Variants in UNC13C observed in about 807,000 individuals in gnomAD.
The protein encoded by UNC13C is protein unc-13 homolog C.
UNC13C carries 174 observed loss-of-function variants against 245.4 expected under a neutral mutation model. The ratio of observed to expected loss-of-function variants is 0.71; its 90% CI spans 0.63 to 0.80. The LOEUF is 0.80. UNC13C is among the 30% of genes least tolerant of loss of function. UNC13C has a pLI of 0.00. For synonymous variants in UNC13C, 992 were observed against 895.1 expected, an observed-to-expected ratio of 1.11 and a Z score of -1.93; for missense variants, 2,829 against 2,602.9, an observed-to-expected ratio of 1.09 and a Z score of -1.89.
intron 2 of UNC13C, 120 bp from the exon 3 acceptor site, chr15:54,142,896 CTG>C (rs1453558789): frequency 1.2e-6 from 1 of 867,994 alleles, no homozygotes; most frequent in Non-Finnish European, 1.8e-6. Flanking sequence ...CCTTGAAACT[CTG>C]TTTATTTATA....
At chr15:54,333,708 T>C (rs546084709) in intron 15 of UNC13C, 59 bp from the exon 16 acceptor site, 1 of 1,126,762 alleles carries the variant, frequency 8.9e-7, no homozygotes, top group Non-Finnish European at 1.3e-6. Context: ...TTTTAGTTTA[T>C]TTTCCCACTA....
chr15:54,427,218 G>A (rs930519366), intron 19 of UNC13C, among the ~76,000 whole-genome samples: 32 of 151,786 alleles, frequency 2.1e-4, no homozygotes, highest in Admixed American at 5.9e-4. Flanking sequence ...CCCATGTGTT[G>A]TGGGAAGGAC....
chr15:53,999,188 T>G (rs1430620051), intron 1 of UNC13C, among the ~76,000 whole-genome samples: 1 of 151,974 alleles, frequency 6.6e-6, no homozygotes, highest in Non-Finnish European at 1.5e-5. Context: ...TCCTTAAAGG[T>G]TTCTAGAATC....
intron 5 of UNC13C, among the ~76,000 whole-genome samples, chr15:54,236,018 T>TAAAAA (rs11465193): frequency 6.8e-6 from 1 of 146,746 alleles, no homozygotes; most frequent in African/African-American, 2.5e-5. Context: ...CATTAGATTG[T>TAAAAA]AAAAAAAAAA....
At chr15:54,054,469 G>T (rs1897411953) in intron 2 of UNC13C, among the ~76,000 whole-genome samples, 2 of 152,268 alleles carry the variant, frequency 1.3e-5, no homozygotes, top group Admixed American at 1.3e-4. Flanking sequence ...TTTGTGAATA[G>T]AATTAAATGT....
intron 8 of UNC13C, among the ~76,000 whole-genome samples, chr15:54,260,044 C>T (rs531821237): frequency 7.9e-5 from 12 of 151,820 alleles, no homozygotes; most frequent in South Asian, 4.2e-4. Flanking sequence ...ATTTTATCTT[C>T]GGCTCCCCCA....
chr15:53,917,031 C>T, the UNC13C span, among the ~76,000 whole-genome samples: 2 of 152,208 alleles, frequency 1.3e-5, no homozygotes, highest in Non-Finnish European at 2.9e-5. Context: ...TTAAGCACAG[C>T]ATCAGTAATG....
At chr15:54,579,551 G>A in intron 30 of UNC13C, among the ~76,000 whole-genome samples, 1 of 151,990 alleles carries the variant, frequency 6.6e-6, no homozygotes, top group East Asian at 1.9e-4. Flanking sequence ...GAGGTCAGGA[G>A]ATCGAGACCT....
At chr15:54,302,183 G>A (rs923776832) in intron 13 of UNC13C, among the ~76,000 whole-genome samples, 5 of 152,128 alleles carry the variant, frequency 3.3e-5, no homozygotes, top group Middle Eastern at 3.4e-3. Flanking sequence ...GTAGATTCTC[G>A]ATATTAGCCC....
At position 54,420,640 on chromosome 15, in the gene UNC13C, G is replaced by T. The variant is rs1016969526; in HGVS notation, c.4933+5573G>T. Among the ~76,000 whole-genome samples, 19 of 151,932 alleles carry T rather than the reference G, an allele frequency of 1.3e-4. 1 individual carries two copies. Among genetic ancestry groups the T allele is most frequent in the Admixed American group, 8.5e-4 (13 of 15,254 alleles). Reference sequence around the variant, plus strand: ...TATTCTTATTTTAGGTCAGGTTTTTGTTTGTGATGATTTTAAACAAAAATA... The same window carrying T: ...TATTCTTATTTTAGGTCAGGTTTTTTTTTGTGATGATTTTAAACAAAAATA... On this transcript the variant is annotated intron_variant, in intron 19 of 32. Coordinates refer to ENST00000260323, the MANE Select transcript of UNC13C (RefSeq NM_001080534.3).
At chr15:54,371,877 G>T (rs2140884108) in intron 17 of UNC13C, among the ~76,000 whole-genome samples, 1 of 152,194 alleles carries the variant, frequency 6.6e-6, no homozygotes, top group East Asian at 1.9e-4. Flanking sequence ...TCACATATTT[G>T]TGGAATGAAA....
At chr15:53,861,141 T>C in the UNC13C span, among the ~76,000 whole-genome samples, 1 of 152,160 alleles carries the variant, frequency 6.6e-6, no homozygotes, top group Non-Finnish European at 1.5e-5. Flanking sequence ...TATTTGCACA[T>C]TTGGTTTAGC....
chr15:53,950,899 T>G, the UNC13C span, among the ~76,000 whole-genome samples: 50,215 of 152,054 alleles, frequency 0.33, 8,344 homozygotes, highest in Middle Eastern at 0.34. Context: ...CCTAAAAGTT[T>G]CAGGTCTTTT....
At position 54,014,333 on chromosome 15, in the gene UNC13C, GAAGTACTTCCAAGCC is replaced by G. The variant is rs1341380433; in HGVS notation, c.1434_1448del (p.Thr479_Ser483del). On this transcript the variant is annotated inframe_deletion, in exon 2 of 33. Coordinates refer to ENST00000260323, the MANE Select transcript of UNC13C (RefSeq NM_001080534.3). ...TCCAAGTCAGAGCTTCTAACAAAGG[GAAGTACTTCCAAGCC>G]AAGCTCAAAATCACACAGTGCTAGA... The G allele has an allele frequency of 1.1e-5, 17 of 1,613,756 alleles. No homozygotes were observed. Among genetic ancestry groups the G allele is most frequent in the Non-Finnish European group, 1.4e-5 (17 of 1,179,828 alleles).
At chr15:54,042,854 GAAAAGAAA>G (rs1340290643) in intron 2 of UNC13C, among the ~76,000 whole-genome samples, 1 of 150,524 alleles carries the variant, frequency 6.6e-6, no homozygotes, top group Non-Finnish European at 1.5e-5. Flanking sequence ...CTCTGTCTCA[GAAAAGAAA>G]AAGAAAAAGA....
chr15:54,038,123 TA>T (rs1397676271), intron 2 of UNC13C, among the ~76,000 whole-genome samples: 1,109 of 50,276 alleles, frequency 0.022, 57 homozygotes, highest in African/African-American at 0.065. Context: ...TATATATATA[TA>T]TTTTTTTTTT....
rs553470434 is a variant in UNC13C, at chr15:54,127,468, C to T, written c.2984-15550C>T. ...ACTAACACAGGAACAGAAAACCAAA[C>T]ACCGCATGTTCTCACTCATAAATGG... On this transcript the variant is annotated intron_variant, in intron 2 of 32. Coordinates refer to ENST00000260323, the MANE Select transcript of UNC13C (RefSeq NM_001080534.3). Among the ~76,000 whole-genome samples, 4 of 152,094 alleles carry T rather than the reference C, an allele frequency of 2.6e-5. No individual in the cohort carries two copies. The South Asian group carries it at 6.2e-4, about 24-fold the overall frequency.
chr15:54,620,652 G>T lies in UNC13C; in HGVS notation c.6107-1675G>T, dbSNP rs185407142. Among the ~76,000 whole-genome samples the T allele has an allele frequency of 5.2e-3, 789 of 152,084 alleles. 1 individual carries two copies. The highest frequency in any genetic ancestry group is 0.01 in the Middle Eastern group (3 of 292). On this transcript the variant is annotated intron_variant, in intron 30 of 32. Coordinates refer to ENST00000260323, the MANE Select transcript of UNC13C (RefSeq NM_001080534.3). ...GCACTTTGGGAGGCCCAGGCATGGCGGTCCATACTTCTAGTCCCAGGTACT... is the reference window on the plus strand; with the variant it reads ...GCACTTTGGGAGGCCCAGGCATGGCTGTCCATACTTCTAGTCCCAGGTACT...
chr15:54,013,804 G>T lies in UNC13C; in HGVS notation c.901G>T (p.Glu301Ter). The T allele has an allele frequency of 2.3e-5, 37 of 1,611,912 alleles. No individual in the cohort carries two copies. The highest frequency in any genetic ancestry group is 3.1e-5 in the Non-Finnish European group (37 of 1,179,160). Residue 301 changes from glutamate (E) to a stop codon, truncating the protein, a stop_gained, in exon 2 of 33, where the codon GAA (glutamate) becomes TAA (stop). Transcript: ENST00000260323. LOFTEE classifies it high-confidence loss of function. ...CACAGGGTTTGTCCAGTCTCGGAGGGAAACTAGAGACATCCATGATTATAT... is the reference window on the plus strand; with the variant it reads ...CACAGGGTTTGTCCAGTCTCGGAGGTAAACTAGAGACATCCATGATTATAT... ...LRTGFVQSRR[E>*]TRDIHDYIKH...
Sources: allele counts gnomAD v4.1 joint callset (sites outside exome capture counted in the v4.1 genomes callset), GRCh38; gene constraint gnomAD v4.1.1; transcripts MANE v1.5; gene names NCBI Gene and HGNC (gene_info 2026-07-23, HGNC 2026-07-21).